The following MRTFB variants were observed in gnomAD, a reference collection of about 807,000 sequenced individuals.
MRTFB encodes myocardin-related transcription factor B.
Under a neutral mutation model 104.2 loss-of-function variants are expected in MRTFB, and 29 were observed. That is an observed-to-expected ratio of 0.28 (90% confidence interval 0.21 to 0.38). The LOEUF is 0.38. MRTFB is among the 10% of genes least tolerant of loss of function. The probability of loss-of-function intolerance (pLI) is 1.00; values close to 1 mark genes in which losing one functional copy is unlikely to be tolerated. For missense variants in MRTFB, 1,270 were observed against 1,341.6 expected (o/e 0.95, Z 0.83); for synonymous variants, 535 against 519.5 (o/e 1.03, Z -0.41).
At chr16:14,163,765 G>A (rs2039128443) in intron 3 of MRTFB, among the ~76,000 whole-genome samples, 1 of 151,590 alleles carries the variant, frequency 6.6e-6, no homozygotes, top group Non-Finnish European at 1.5e-5. Flanking sequence ...CCCTAGAGGT[G>A]GAGGTTGCAG....
intron 2 of MRTFB, among the ~76,000 whole-genome samples, chr16:14,127,556 A>G (rs2142367610): frequency 6.6e-6 from 1 of 151,276 alleles, no homozygotes; most frequent in South Asian, 2.1e-4. Context: ...AAGCAGGAGA[A>G]TGGCGTGAAC....
At chr16:14,244,877 TTTAC>T (rs1414598257) in intron 10 of MRTFB, among the ~76,000 whole-genome samples, 4 of 152,216 alleles carry the variant, frequency 2.6e-5, no homozygotes, top group African/African-American at 9.7e-5. Flanking sequence ...AGATGTCCCT[TTTAC>T]TTAGTGCTTT....
the MRTFB span, among the ~76,000 whole-genome samples, chr16:14,049,721 A>G: frequency 6.6e-6 from 1 of 152,190 alleles, no homozygotes; most frequent in Non-Finnish European, 1.5e-5. Flanking sequence ...TGTTCTTAGG[A>G]GATACATGGA....
chr16:14,117,635 C>T (rs574409977), intron 2 of MRTFB, among the ~76,000 whole-genome samples: 4 of 152,152 alleles, frequency 2.6e-5, no homozygotes, highest in Admixed American at 6.5e-5. Context: ...AATAAGAATG[C>T]TTGTGGCTGT....
At chr16:14,120,335 TTTTTACATCA>T (rs1231315670) in intron 2 of MRTFB, among the ~76,000 whole-genome samples, 1 of 152,230 alleles carries the variant, frequency 6.6e-6, no homozygotes, top group Non-Finnish European at 1.5e-5. Context: ...TGGTTGGTGC[TTTTTACATCA>T]TGTTTAATCC....
intron 2 of MRTFB, among the ~76,000 whole-genome samples, chr16:14,120,268 T>C (rs2036775590): frequency 6.6e-6 from 1 of 152,232 alleles, no homozygotes; most frequent in South Asian, 2.1e-4. Context: ...GTGGTATGCT[T>C]TGTTGGGTGC....
chr16:13,997,231 T>C, the MRTFB span, among the ~76,000 whole-genome samples: 1 of 152,206 alleles, frequency 6.6e-6, no homozygotes, highest in Non-Finnish European at 1.5e-5. Context: ...TGCAATGGCT[T>C]TGGAAAGAAA....
the MRTFB span, among the ~76,000 whole-genome samples, chr16:14,023,606 C>CAT: frequency 1.1e-3 from 44 of 39,628 alleles, no homozygotes; most frequent in African/African-American, 3.8e-3. Context: ...CACACACACA[C>CAT]ACACATACAT....
At chr16:14,251,112 C>T (rs1306773772) in intron 13 of MRTFB, among the ~76,000 whole-genome samples, 1 of 152,024 alleles carries the variant, frequency 6.6e-6, no homozygotes, top group Non-Finnish European at 1.5e-5. Context: ...CGCGGTGGCT[C>T]AAGCCTGTAA....
intron 2 of MRTFB, among the ~76,000 whole-genome samples, chr16:14,089,588 A>T (rs2034929417): frequency 6.6e-6 from 1 of 152,160 alleles, no homozygotes; most frequent in Non-Finnish European, 1.5e-5. Context: ...TGCTGTGAAC[A>T]TTTGCATATA....
chr16:14,175,420 C>T (rs1186238350), intron 3 of MRTFB, among the ~76,000 whole-genome samples: 1 of 152,174 alleles, frequency 6.6e-6, no homozygotes, highest in East Asian at 1.9e-4. Context: ...TTTTGAGATT[C>T]ATCCATGTTG....
chr16:14,007,363 A>C, the MRTFB span, among the ~76,000 whole-genome samples: 1 of 152,188 alleles, frequency 6.6e-6, no homozygotes, highest in African/African-American at 2.4e-5. Context: ...GACTTCCTTC[A>C]CTTAACATCA....
At position 14,245,536 on chromosome 16, in the gene MRTFB, A is replaced by G. The variant is rs916082025; in HGVS notation, c.1088A>G (p.Asn363Ser). The G allele has an allele frequency of 2.5e-5, 40 of 1,608,462 alleles. No individual in the cohort carries two copies. The highest frequency in any genetic ancestry group is 1.1e-4 in the East Asian group (5 of 44,820). ...TILPAPFKPL[N>S]DKNSNSGNSA... The stretch of plus-strand genomic sequence containing the variant: ...TTTGTTTTCTTTTGAAGGCCACTCA[A>G]TGACAAAAATAGTAACAGTGGGAAT... The change falls in exon 11 of 17, where the codon AAT (asparagine) becomes AGT (serine). Residue 363 changes from asparagine to serine, a missense_variant. Coordinates refer to ENST00000571589, the MANE Select transcript of MRTFB (RefSeq NM_001308142.2).
rs751888047 is a variant in MRTFB, at chr16:14,260,893, C to A, written c.2765-16C>A. ...GTAAATCTTCAGTTACTAATTACTTCATTTATTTTACACAGAGATCTCCCT... is the reference window on the plus strand; with the variant it reads ...GTAAATCTTCAGTTACTAATTACTTAATTTATTTTACACAGAGATCTCCCT... On this transcript the variant is annotated splice_polypyrimidine_tract_variant and intron_variant, in intron 16 of 16. Coordinates refer to ENST00000571589, the MANE Select transcript of MRTFB (RefSeq NM_001308142.2). 2.6e-6 allele frequency: 4 copies of A among 1,567,268 alleles called. No homozygotes were observed. Among genetic ancestry groups the A allele is most frequent in the Non-Finnish European group, 2.6e-6 (3 of 1,159,320 alleles).
chr16:14,015,091 C>T, the MRTFB span, among the ~76,000 whole-genome samples: 5 of 152,104 alleles, frequency 3.3e-5, no homozygotes, highest in Admixed American at 6.5e-5. Flanking sequence ...ATAACATTTG[C>T]GGCTCTACAT....
At chr16:14,042,216 C>A in the MRTFB span, among the ~76,000 whole-genome samples, 1 of 152,028 alleles carries the variant, frequency 6.6e-6, no homozygotes, top group Non-Finnish European at 1.5e-5. Flanking sequence ...ACTTTAGCCT[C>A]CTGGGTTCAA....
intron 8 of MRTFB, among the ~76,000 whole-genome samples, chr16:14,230,525 T>C (rs1048030148): frequency 2.6e-5 from 4 of 151,748 alleles, no homozygotes; most frequent in African/African-American, 9.7e-5. Flanking sequence ...AAAAAACACA[T>C]GAAAAAATGC....
At chr16:14,076,605 T>A (rs1209529529) in intron 1 of MRTFB, among the ~76,000 whole-genome samples, 1 of 152,252 alleles carries the variant, frequency 6.6e-6, no homozygotes, top group Admixed American at 6.5e-5. Flanking sequence ...GACGCTGTGC[T>A]GAATAACCTT....
In MRTFB at chr16:14,177,634, G is replaced by C. The variant is rs114315022; in HGVS notation, c.155-32609G>C. Reference sequence around the variant, plus strand: ...CAGCCCAGGAGTTCGAGACCAGCCTGAGCAACATAGCAAGACCTCATCTCT... The same window carrying C: ...CAGCCCAGGAGTTCGAGACCAGCCTCAGCAACATAGCAAGACCTCATCTCT... On this transcript the variant is annotated intron_variant, in intron 3 of 16. Coordinates refer to ENST00000571589, the MANE Select transcript of MRTFB (RefSeq NM_001308142.2). The surrounding 1 kb of genome is among the most constrained non-coding windows in gnomAD (Gnocchi z 4.7). 7.8e-3 allele frequency among the ~76,000 whole-genome samples: 1,190 copies of C among 152,222 alleles called. 15 individuals carry two copies. The highest frequency in any genetic ancestry group is 0.027 in the African/African-American group (1,105 of 41,544).
Sources: gnomAD v4.1 joint callset for allele counts (sites outside exome capture counted in the v4.1 genomes callset) on GRCh38, gnomAD v4.1.1 for gene constraint, Gnocchi (gnomAD v3.1) non-coding constraint, MANE v1.5 for transcripts, NCBI Gene and HGNC (gene_info 2026-07-23, HGNC 2026-07-21) for gene names.